SUPT3H: variants seen among roughly 807,000 people sequenced by gnomAD.
SUPT3H encodes the protein SPT3 homolog, SAGA and STAGA complex component, also known as transcription initiation protein SPT3 homolog.
A neutral mutation model predicts 44.3 loss-of-function variants in SUPT3H; 44 were observed. The ratio of observed to expected loss-of-function variants is 0.99; its 90% CI spans 0.78 to 1.28. The LOEUF (loss-of-function observed/expected upper bound fraction) is 1.28, where lower values mean the gene tolerates loss of function less well. Ranked by LOEUF, SUPT3H falls within the 50% of genes most tolerant of loss-of-function variation. The pLI, the probability that SUPT3H is intolerant of heterozygous loss-of-function variation, is 0.00. For synonymous variants in SUPT3H, 124 were observed against 125.6 expected (o/e 0.99, Z 0.09); for missense variants, 380 against 387.1 (o/e 0.98, Z 0.15).
intron 6 of SUPT3H, among the ~76,000 whole-genome samples, chr6:44,991,398 G>A (rs1490161018): frequency 6.6e-6 from 1 of 152,072 alleles, no homozygotes; most frequent in Non-Finnish European, 1.5e-5. Flanking sequence ...GGAGAAGCCT[G>A]GTAGGATCTG....
chr6:45,190,357 T>C (rs1814925727), intron 2 of SUPT3H, among the ~76,000 whole-genome samples: 1 of 152,156 alleles, frequency 6.6e-6, no homozygotes, highest in South Asian at 2.1e-4. Flanking sequence ...CCCAAAGAAA[T>C]CAGTGGTTTC....
At chr6:45,210,104 T>A (rs561173841) in intron 2 of SUPT3H, among the ~76,000 whole-genome samples, 15 of 152,274 alleles carry the variant, frequency 9.9e-5, no homozygotes, top group African/African-American at 1.7e-4. Context: ...TGCTTTTTTT[T>A]AAAGACATAA....
At chr6:44,890,119 G>A (rs1358399925) in intron 10 of SUPT3H, among the ~76,000 whole-genome samples, 2 of 151,488 alleles carry the variant, frequency 1.3e-5, no homozygotes, top group East Asian at 3.9e-4. Flanking sequence ...ACACGTGCTG[G>A]AGAGGATGTG....
At chr6:44,882,297 A>C (rs1399915367) in intron 10 of SUPT3H, among the ~76,000 whole-genome samples, 24 of 152,324 alleles carry the variant, frequency 1.6e-4, no homozygotes, top group Non-Finnish European at 3.1e-4. Context: ...GAAATGGATA[A>C]ATTGCTGGAC....
At chr6:45,241,166 T>C (rs934809375) in intron 2 of SUPT3H, among the ~76,000 whole-genome samples, 1 of 152,132 alleles carries the variant, frequency 6.6e-6, no homozygotes, top group Non-Finnish European at 1.5e-5. Context: ...TTTGTTTTTA[T>C]CACTTTGTGA....
chr6:45,223,180 A>G (rs930523579), intron 2 of SUPT3H, among the ~76,000 whole-genome samples: 3 of 152,018 alleles, frequency 2.0e-5, no homozygotes. Context: ...AGAACTAAAC[A>G]CTAAACAAAC....
intron 11 of SUPT3H, among the ~76,000 whole-genome samples, chr6:44,819,141 A>C (rs751335609): frequency 2.0e-5 from 3 of 152,240 alleles, no homozygotes; most frequent in Non-Finnish European, 2.9e-5. Context: ...CTCAGCAATA[A>C]CATATAATGA....
intron 10 of SUPT3H, among the ~76,000 whole-genome samples, chr6:44,890,682 AC>A (rs1177171381): frequency 1.3e-5 from 2 of 150,984 alleles, no homozygotes; most frequent in Admixed American, 1.3e-4. Context: ...TGGGTGCAGC[AC>A]ACCAGCATGG....
rs61266568 is a variant in SUPT3H, at chr6:45,079,038, C to T, written c.186+26884G>A. On this transcript the variant is annotated intron_variant, in intron 3 of 10. Transcript: ENST00000371459. ...ATTTTGTTACATATATTGCTGGGCG[C>T]GGTGGCTCATGCCTATAATCCCAGC... Among the ~76,000 whole-genome samples the T allele has an allele frequency of 5.3e-3, 814 of 152,154 alleles. 7 individuals are homozygous for T. The highest frequency in any genetic ancestry group is 0.018 in the African/African-American group (754 of 41,490).
downstream of SUPT3H, among the ~76,000 whole-genome samples, chr6:44,821,964 A>T (rs575621291): frequency 3.0e-4 from 46 of 152,292 alleles, no homozygotes; most frequent in East Asian, 2.7e-3. Flanking sequence ...ATTGTTTTTT[A>T]AAAAAAGGTA....
At chr6:44,890,986 G>A (rs1763219120) in intron 10 of SUPT3H, among the ~76,000 whole-genome samples, 1 of 144,892 alleles carries the variant, frequency 6.9e-6, no homozygotes, top group African/African-American at 2.9e-5. Flanking sequence ...GTCGGGGTTG[G>A]GGGACTAGGG....
intron 2 of SUPT3H, among the ~76,000 whole-genome samples, chr6:45,130,697 C>CAAAAAAAAAAAAAAAAAAAA (rs1212283346): frequency 2.9e-5 from 1 of 34,024 alleles, no homozygotes; most frequent in African/African-American, 1.2e-4. Flanking sequence ...AAAAAAAAAA[C>CAAAAAAAAAAAAAAAAAAAA]AAAAAAAAAA....
Position 45,132,213 on chromosome 6 carries a change from C to T in SUPT3H, c.102-26207G>A, listed in dbSNP as rs930746447. Among the ~76,000 whole-genome samples, 4 of 152,224 alleles carry T rather than the reference C, an allele frequency of 2.6e-5. No individual in the cohort carries two copies. The South Asian group carries it at 6.2e-4, about 24-fold the overall frequency. ...CCTGGCACTGGCAATTCCAGAATTC[C>T]TATAAAATTAAATCTCTGCATTCTC... On this transcript the variant is annotated intron_variant, in intron 2 of 10. Transcript: ENST00000371459.
intron 10 of SUPT3H, among the ~76,000 whole-genome samples, chr6:44,902,740 C>G (rs998854018): frequency 3.3e-5 from 5 of 152,166 alleles, no homozygotes; most frequent in African/African-American, 4.8e-5. Context: ...CTTCTCAGCA[C>G]CACACTGCAC....
At chr6:44,886,303 G>A (rs904830180) in intron 10 of SUPT3H, among the ~76,000 whole-genome samples, 5 of 151,928 alleles carry the variant, frequency 3.3e-5, no homozygotes, top group African/African-American at 1.2e-4. Flanking sequence ...GCAACTCCAA[G>A]ACACATAATT....
chr6:44,879,664 T>G (rs1416246931), intron 10 of SUPT3H, among the ~76,000 whole-genome samples: 2 of 150,850 alleles, frequency 1.3e-5, no homozygotes, highest in Admixed American at 1.3e-4. Context: ...GACAGACACC[T>G]CATACAGGAG....
At chr6:44,810,167 C>A (rs1766417890) in intron 11 of SUPT3H, among the ~76,000 whole-genome samples, 1 of 152,180 alleles carries the variant, frequency 6.6e-6, no homozygotes, top group Non-Finnish European at 1.5e-5. Flanking sequence ...TGCCTTAAAG[C>A]CACTAACGTT....
chr6:44,957,569 C>T (rs1775398045), intron 7 of SUPT3H, among the ~76,000 whole-genome samples: 1 of 151,862 alleles, frequency 6.6e-6, no homozygotes. Flanking sequence ...TGTGACTGTG[C>T]TCTAAACAGT....
chr6:45,243,550 T>C (rs540939930), intron 2 of SUPT3H, among the ~76,000 whole-genome samples: 6 of 152,146 alleles, frequency 3.9e-5, no homozygotes, highest in Admixed American at 3.3e-4. Flanking sequence ...ATACAAGAGA[T>C]TGTAAAAGAA....
Sources: allele counts gnomAD v4.1 joint callset (sites outside exome capture counted in the v4.1 genomes callset), GRCh38; gene constraint gnomAD v4.1.1; transcripts MANE v1.5; gene names NCBI Gene and HGNC (gene_info 2026-07-23, HGNC 2026-07-21).